Variants in PDE6C observed in about 807,000 individuals in gnomAD.
PDE6C encodes cone cGMP-specific 3',5'-cyclic phosphodiesterase subunit alpha'.
PDE6C carries 75 observed loss-of-function variants against 113.1 expected under a neutral mutation model. The observed-to-expected ratio is 0.66, with a 90% CI of 0.55 to 0.80. PDE6C has a LOEUF of 0.80. Among genes scored for constraint, PDE6C ranks in the 30% least tolerant of loss-of-function variants. PDE6C has a pLI of 0.00. For synonymous variants in PDE6C, 375 were observed against 363.7 expected, an observed-to-expected ratio of 1.03 and a Z score of -0.35; for missense variants, 912 against 1,038.6, an observed-to-expected ratio of 0.88 and a Z score of 1.67.
At chr10:93,648,500 A>T (rs1208096923) in intron 15 of PDE6C, among the ~76,000 whole-genome samples, 1 of 152,224 alleles carries the variant, frequency 6.6e-6, no homozygotes, top group East Asian at 1.9e-4. Context: ...GAAAATACAC[A>T]CATTAAAAAT....
At chr10:93,644,715 C>T (rs2058574646) in intron 14 of PDE6C, among the ~76,000 whole-genome samples, 1 of 150,016 alleles carries the variant, frequency 6.7e-6, no homozygotes, top group Non-Finnish European at 1.5e-5. Context: ...CACCTCCCTA[C>T]CCTTCCTGGC....
Position 93,635,219 on chromosome 10 carries a change from C to T in PDE6C, c.1270-278C>T, listed in dbSNP as rs904771657. ...CCTCTCATTCTTATTCTTATTCTTA[C>T]GCCCAGCCCCCTGCCTAATTTTTAG... On this transcript the variant is annotated intron_variant, in intron 9 of 21. Coordinates refer to ENST00000371447, the MANE Select transcript of PDE6C (RefSeq NM_006204.4). Among the ~76,000 whole-genome samples the T allele has an allele frequency of 1.4e-4, 22 of 152,144 alleles. 1 individual carries two copies. The highest frequency in any genetic ancestry group is 4.1e-4 in the South Asian group (2 of 4,828).
intron 16 of PDE6C, among the ~76,000 whole-genome samples, chr10:93,658,030 C>T (rs1285052466): frequency 6.6e-6 from 1 of 151,652 alleles, no homozygotes; most frequent in Non-Finnish European, 1.5e-5. Context: ...ATTAGCCAGG[C>T]ATGCTGGAGC....
intron 3 of PDE6C, among the ~76,000 whole-genome samples, chr10:93,621,565 A>G (rs2058446557): frequency 6.6e-6 from 1 of 152,188 alleles, no homozygotes; most frequent in African/African-American, 2.4e-5. Context: ...GGAAGGAGGT[A>G]TGTGGCTCTC....
chr10:93,644,877 C>T (rs1223295), intron 14 of PDE6C, among the ~76,000 whole-genome samples: 136,240 of 146,282 alleles, frequency 0.93, 64,197 homozygotes, highest in East Asian at 1. Context: ...AGTACATATA[C>T]AGTATATTTA....
rs745324761 is a variant in PDE6C, at chr10:93,635,606, C to T, written c.1379C>T (p.Thr460Ile). 1.7e-4 allele frequency: 278 copies of T among 1,613,858 alleles called. No individual in the cohort carries two copies. Among genetic ancestry groups the T allele is most frequent in the Non-Finnish European group, 2.2e-4 (254 of 1,179,888 alleles). Reference protein sequence around the residue: ...DIAQEMLMNQTKATPEEIKSI... With the variant: ...DIAQEMLMNQIKATPEEIKSI... ...GCTCAGGAAATGCTCATGAACCAAA[C>T]CAAAGCCACTCCTGAAGAAATTAAG... The change falls in exon 10 of 22, where the codon ACC becomes ATC. Residue 460 changes from threonine (T) to isoleucine (I), a missense_variant. Physicochemically the swap from Thr to Ile is moderately conservative, Grantham distance 89 (BLOSUM62 -1). Coordinates refer to ENST00000371447, the MANE Select transcript of PDE6C (RefSeq NM_006204.4).
intron 10 of PDE6C, among the ~76,000 whole-genome samples, chr10:93,636,159 A>T (rs2857302): frequency 0.093 from 14,218 of 152,208 alleles, 862 homozygotes; most frequent in Admixed American, 0.18. Context: ...AGTGCAAGAG[A>T]GCAAACCTAA....
chr10:93,622,139 T>A, intron 4 of PDE6C, 67 bp downstream of exon 4: 1 of 1,453,902 alleles, frequency 6.9e-7, no homozygotes. Flanking sequence ...ACAGGAAATG[T>A]GATCCTTAAA....
rs1201818549 is a variant in PDE6C, at chr10:93,640,435, G to A, written c.1630-15G>A. 2 of 1,572,184 alleles carry A rather than the reference G, an allele frequency of 1.3e-6. No homozygotes were observed. Among genetic ancestry groups the A allele is most frequent in the Non-Finnish European group, 1.8e-6 (2 of 1,141,964 alleles). The stretch of plus-strand genomic sequence containing the variant: ...AATTCTATTCCAAAGTCTGAATGGT[G>A]TCATCTTCTTTTAGGTTCTTACCAG... On this transcript the variant is annotated splice_polypyrimidine_tract_variant and intron_variant, in intron 12 of 21. Transcript: ENST00000371447.
intron 8 of PDE6C, among the ~76,000 whole-genome samples, chr10:93,631,526 C>T (rs2058501526): frequency 1.3e-5 from 2 of 152,190 alleles, no homozygotes; most frequent in East Asian, 3.9e-4. Context: ...TCCATCCTTC[C>T]GTTTCTCCTT....
At chr10:93,623,920 T>G (rs1269710259) in intron 4 of PDE6C, among the ~76,000 whole-genome samples, 2 of 152,150 alleles carry the variant, frequency 1.3e-5, no homozygotes, top group African/African-American at 4.8e-5. Context: ...AGCAAGTCTT[T>G]TAACCTACCT....
At chr10:93,623,236 A>C (rs1482313578) in intron 4 of PDE6C, among the ~76,000 whole-genome samples, 2 of 152,180 alleles carry the variant, frequency 1.3e-5, no homozygotes, top group African/African-American at 4.8e-5. Flanking sequence ...GCATCTTCTC[A>C]TATGTTTACT....
intron 15 of PDE6C, among the ~76,000 whole-genome samples, chr10:93,647,246 A>G (rs1462301146): frequency 6.6e-6 from 1 of 152,212 alleles, no homozygotes; most frequent in African/African-American, 2.4e-5. Flanking sequence ...GAACTTGTTC[A>G]GAATCACATG....
chr10:93,656,515 A>G (rs2058638439), intron 16 of PDE6C, among the ~76,000 whole-genome samples: 1 of 152,080 alleles, frequency 6.6e-6, no homozygotes, highest in Non-Finnish European at 1.5e-5. Flanking sequence ...TGGCTTGGGC[A>G]TTGTCAAATT....
intron 7 of PDE6C, among the ~76,000 whole-genome samples, chr10:93,627,172 G>T (rs1158158245): frequency 1.5e-5 from 2 of 134,428 alleles, no homozygotes; most frequent in African/African-American, 2.7e-5. Context: ...TGAGGCAAAA[G>T]AATTGCTTGA....
At chr10:93,646,887 C>T (rs891902770) in intron 15 of PDE6C, among the ~76,000 whole-genome samples, 1 of 152,138 alleles carries the variant, frequency 6.6e-6, no homozygotes, top group Non-Finnish European at 1.5e-5. Flanking sequence ...CATGACGTAG[C>T]CACCATCAGA....
At chr10:93,650,618 T>C (rs2058605523) in intron 15 of PDE6C, among the ~76,000 whole-genome samples, 2 of 152,206 alleles carry the variant, frequency 1.3e-5, no homozygotes, top group Admixed American at 1.3e-4. Flanking sequence ...TGACTTTATT[T>C]GAATTTAACA....
At chr10:93,639,835 C>A (rs1386529442) in intron 11 of PDE6C, among the ~76,000 whole-genome samples, 1 of 152,160 alleles carries the variant, frequency 6.6e-6, no homozygotes, top group African/African-American at 2.4e-5. Context: ...CTTAGAAAGT[C>A]TTTAATATGG....
intron 1 of PDE6C, among the ~76,000 whole-genome samples, chr10:93,617,605 C>T (rs1391480591): frequency 6.6e-6 from 1 of 152,090 alleles, no homozygotes; most frequent in African/African-American, 2.4e-5. Context: ...GAAAACCTGT[C>T]CCTACTAAAA....
Sources: allele counts gnomAD v4.1 joint callset (sites outside exome capture counted in the v4.1 genomes callset), GRCh38; gene constraint gnomAD v4.1.1; transcripts MANE v1.5; gene names NCBI Gene and HGNC (gene_info 2026-07-23, HGNC 2026-07-21).